AGXT2: variants seen among roughly 807,000 people sequenced by gnomAD.
The protein encoded by AGXT2 is alanine--glyoxylate aminotransferase 2, mitochondrial.
In AGXT2, 61 loss-of-function variants were observed where a neutral mutation model predicts 62.5. The ratio of observed to expected loss-of-function variants is 0.98; its 90% CI spans 0.79 to 1.21. The LOEUF (loss-of-function observed/expected upper bound fraction) is 1.21, where lower values mean the gene tolerates loss of function less well. Among genes scored for constraint, AGXT2 ranks in the 50% most tolerant of loss-of-function variants. The probability of loss-of-function intolerance (pLI) is 0.00; values close to 1 mark genes in which losing one functional copy is unlikely to be tolerated. For synonymous variants in AGXT2, 243 were observed against 218.7 expected (o/e 1.11, Z -0.98); for missense variants, 666 against 641.5 (o/e 1.04, Z -0.41).
intron 5 of AGXT2, among the ~76,000 whole-genome samples, chr5:35,034,419 C>A (rs956311094): frequency 2.6e-5 from 4 of 152,044 alleles, no homozygotes; most frequent in African/African-American, 9.7e-5. Context: ...ATGGAATGTG[C>A]AGTATTGAAT....
chr5:35,032,888 C>T (rs1196191730), intron 6 of AGXT2, 63 bp from the exon 7 acceptor site: 4 of 1,328,102 alleles, frequency 3.0e-6, no homozygotes, highest in Non-Finnish European at 4.2e-6. Context: ...GTTAGGGTAG[C>T]ATATGGCTGC....
chr5:35,020,761 T>A (rs558931007), intron 9 of AGXT2, among the ~76,000 whole-genome samples: 45 of 152,230 alleles, frequency 3.0e-4, no homozygotes, highest in African/African-American at 9.6e-4. Flanking sequence ...GGGTATTCAA[T>A]AGGAAAAGAG....
At chr5:35,011,664 T>C (rs1176240235) in intron 11 of AGXT2, among the ~76,000 whole-genome samples, 1 of 152,092 alleles carries the variant, frequency 6.6e-6, no homozygotes, top group Non-Finnish European at 1.5e-5. Context: ...TGAGTGTAAC[T>C]GCTAGTGGGA....
At chr5:35,017,735 C>A (rs890006047) in intron 9 of AGXT2, among the ~76,000 whole-genome samples, 2 of 152,154 alleles carry the variant, frequency 1.3e-5, no homozygotes, top group African/African-American at 4.8e-5. Context: ...ATGACTTTGA[C>A]GAGTTGAGAG....
intron 7 of AGXT2, among the ~76,000 whole-genome samples, chr5:35,030,252 G>A (rs344504): frequency 0.94 from 142,807 of 152,266 alleles, 67,437 homozygotes; most frequent in Non-Finnish European, 1. Flanking sequence ...TCACGCATGT[G>A]ATCCCAGCAC....
At chr5:35,026,938 T>C in intron 7 of AGXT2, 1 of 985,000 alleles carries the variant, frequency 1.0e-6, no homozygotes, top group Non-Finnish European at 1.2e-6. Context: ...TAATCTGATG[T>C]ACCGTTTTAA....
intron 11 of AGXT2, among the ~76,000 whole-genome samples, chr5:35,010,507 G>A (rs182984775): frequency 1.1e-4 from 16 of 151,960 alleles, no homozygotes; most frequent in South Asian, 6.2e-4. Flanking sequence ...GTGAAACCCC[G>A]TCTCTACTTT....
intron 1 of AGXT2, among the ~76,000 whole-genome samples, chr5:35,040,892 A>C (rs1767959716): frequency 6.6e-6 from 1 of 152,170 alleles, no homozygotes; most frequent in African/African-American, 2.4e-5. Context: ...AATCTACGGC[A>C]GTCCCTCACA....
Position 35,019,865 on chromosome 5 carries a change from A to T in AGXT2, c.964-5746T>A, listed in dbSNP as rs1275999062. Among the ~76,000 whole-genome samples the T allele has an allele frequency of 2.2e-4, 33 of 152,328 alleles. No homozygotes were observed. In the South Asian group the frequency reaches 5.2e-3, roughly 24 times the overall value. On this transcript the variant is annotated intron_variant, in intron 9 of 13. Coordinates refer to ENST00000231420, the MANE Select transcript of AGXT2 (RefSeq NM_031900.4). The stretch of plus-strand genomic sequence containing the variant: ...AAAAAAAGAGAGAAGAATCAAATAG[A>T]TGCAATAAAAAATGATAAAGGGGAT...
chr5:35,036,743 C>T (rs1767780424), intron 4 of AGXT2, among the ~76,000 whole-genome samples, 199 bp downstream of exon 4: 1 of 152,194 alleles, frequency 6.6e-6, no homozygotes, highest in Non-Finnish European at 1.5e-5. Context: ...AAATTCCCTT[C>T]TTCTGTCTGA....
chr5:35,029,473 C>G (rs1369270441), intron 7 of AGXT2, among the ~76,000 whole-genome samples: 1 of 152,168 alleles, frequency 6.6e-6, no homozygotes, highest in East Asian at 1.9e-4. Context: ...GAGCTTTTTA[C>G]TTTATTTCGC....
intron 13 of AGXT2, 96 bp downstream of exon 13, chr5:35,003,667 G>T: frequency 8.3e-7 from 1 of 1,203,826 alleles, no homozygotes; most frequent in Non-Finnish European, 1.2e-6. Context: ...ACCAGCATTA[G>T]GACATCTTCA....
intron 1 of AGXT2, among the ~76,000 whole-genome samples, chr5:35,044,372 A>C (rs1267427663): frequency 1.3e-5 from 2 of 152,196 alleles, no homozygotes; most frequent in Admixed American, 6.5e-5. Flanking sequence ...AGTCTGCAGC[A>C]CGCTGCTGAG....
At chr5:35,028,540 C>T (rs1767441242) in intron 7 of AGXT2, among the ~76,000 whole-genome samples, 1 of 128,782 alleles carries the variant, frequency 7.8e-6, no homozygotes, top group South Asian at 2.5e-4. Flanking sequence ...GTGGGAATCA[C>T]CAAGGAAGCA....
intron 5 of AGXT2, among the ~76,000 whole-genome samples, chr5:35,034,182 T>A (rs1335408145): frequency 6.6e-6 from 1 of 152,092 alleles, no homozygotes; most frequent in Non-Finnish European, 1.5e-5. Context: ...GCAAAAGTAA[T>A]TGTGGTTTTT....
intron 10 of AGXT2, 66 bp from the exon 11 acceptor site, chr5:35,013,111 C>T: frequency 1.5e-6 from 2 of 1,366,404 alleles, no homozygotes; most frequent in South Asian, 1.2e-5. Flanking sequence ...CTCATCGCGC[C>T]ATTTGGACTA....
chr5:35,028,602 AG>A (rs879507587), intron 7 of AGXT2, among the ~76,000 whole-genome samples: 2,365 of 94,398 alleles, frequency 0.025, 120 homozygotes, highest in African/African-American at 0.058. Flanking sequence ...AGAGAGAGAG[AG>A]AGAGAGAGAG....
rs556499860 is a variant in AGXT2, at chr5:35,011,566, A to G, written c.1188+1388T>C. On this transcript the variant is annotated intron_variant, in intron 11 of 13. Coordinates refer to ENST00000231420, the MANE Select transcript of AGXT2 (RefSeq NM_031900.4). ...GACTTAATTGTAGTTGAAAATAACT[A>G]TTTAATTAATAAAGGCAGTGTTTTC... Among the ~76,000 whole-genome samples, 6 of 151,938 alleles carry G rather than the reference A, an allele frequency of 3.9e-5. No homozygotes were observed. The South Asian group carries it at 1.2e-3, about 32-fold the overall frequency.
At chr5:35,023,601 T>C (rs1005719175) in intron 9 of AGXT2, among the ~76,000 whole-genome samples, 3 of 152,246 alleles carry the variant, frequency 2.0e-5, no homozygotes. Flanking sequence ...GTTTATCCTT[T>C]TTACTGATGT....
Sources: allele counts gnomAD v4.1 joint callset (sites outside exome capture counted in the v4.1 genomes callset), GRCh38; gene constraint gnomAD v4.1.1; transcripts MANE v1.5; gene names NCBI Gene and HGNC (gene_info 2026-07-23, HGNC 2026-07-21).